Variants in TDRD1 observed in about 807,000 individuals in gnomAD.
TDRD1 encodes the protein tudor domain containing 1.
A neutral mutation model predicts 140.6 loss-of-function variants in TDRD1; 37 were observed. The observed-to-expected ratio is 0.26, with a 90% CI of 0.20 to 0.35. TDRD1 has a LOEUF of 0.35. Ranked by LOEUF, TDRD1 falls within the 10% of genes least tolerant of loss-of-function variation. The pLI is 1.00. For missense variants in TDRD1, 1,243 were observed against 1,393.0 expected (o/e 0.89, Z 1.71); for synonymous variants, 506 against 475.7 (o/e 1.06, Z -0.83).
chr10:114,213,899 A>G, intron 15 of TDRD1, 78 bp from the exon 16 acceptor site: 1 of 1,352,536 alleles, frequency 7.4e-7, no homozygotes, highest in Non-Finnish European at 1.0e-6. Context: ...AGTTCTTCAA[A>G]AGCGGGTTCC....
intron 15 of TDRD1, 23 bp from the exon 16 acceptor site, chr10:114,213,954 T>G (rs758468633): frequency 6.2e-7 from 1 of 1,613,524 alleles, no homozygotes; most frequent in South Asian, 1.1e-5. Flanking sequence ...CTATGTCCAT[T>G]TAATGTTTAA....
At chr10:114,190,965 C>G in exon 3 of TDRD1, 1 of 1,613,946 alleles carries the variant, frequency 6.2e-7, no homozygotes, top group Non-Finnish European at 8.5e-7. Flanking sequence ...CCCCAGGAAA[C>G]TCAGTGTCAC....
chr10:114,192,000 T>A (rs1346480606), intron 3 of TDRD1, among the ~76,000 whole-genome samples: 1 of 152,210 alleles, frequency 6.6e-6, no homozygotes, highest in African/African-American at 2.4e-5. Context: ...ATGTGCTTAT[T>A]TGCCATCTGT....
chr10:114,210,946 A>G (rs768162691), exon 13 of TDRD1: 3 of 1,614,064 alleles, frequency 1.9e-6, no homozygotes, highest in Non-Finnish European at 1.7e-6. Context: ...CATTGGTGAT[A>G]TATGTTGTGC....
At chr10:114,183,203 A>G (rs1323761928) in intron 1 of TDRD1, among the ~76,000 whole-genome samples, 1 of 152,198 alleles carries the variant, frequency 6.6e-6, no homozygotes, top group Non-Finnish European at 1.5e-5. Flanking sequence ...GTTACTAAGT[A>G]AGGACAGTGT....
At chr10:114,214,459 AGGGT>A (rs1295327051) in intron 16 of TDRD1, among the ~76,000 whole-genome samples, 2 of 152,200 alleles carry the variant, frequency 1.3e-5, no homozygotes, top group African/African-American at 4.8e-5. Flanking sequence ...CAAGAACTCA[AGGGT>A]GCGGTGAGGC....
Position 114,228,019 on chromosome 10 carries a change from G to A in TDRD1, c.3451-19G>A, listed in dbSNP as rs757184136. Reference sequence around the variant, plus strand: ...ACGTTTTTAGAAATTAAATCATATGGTTTCTTTTTCACCCACAGGTTGAAA... The same window carrying A: ...ACGTTTTTAGAAATTAAATCATATGATTTCTTTTTCACCCACAGGTTGAAA... On this transcript the variant is annotated intron_variant, in intron 24 of 25. Coordinates refer to ENST00000251864, the Ensembl canonical transcript of TDRD1. 6.2e-7 allele frequency: 1 copy of A among 1,609,840 alleles called. No homozygotes were observed. Among genetic ancestry groups the A allele is most frequent in the Non-Finnish European group, 8.5e-7 (1 of 1,178,230 alleles).
intron 25 of TDRD1, among the ~76,000 whole-genome samples, chr10:114,229,073 T>A (rs2036602600): frequency 7.2e-6 from 1 of 139,102 alleles, no homozygotes; most frequent in Non-Finnish European, 1.5e-5. Context: ...AGAGTGAGAG[T>A]TTGTCTCAAA....
chr10:114,222,591 T>C (rs1185423662), exon 21 of TDRD1: 5 of 1,600,246 alleles, frequency 3.1e-6, no homozygotes, highest in Non-Finnish European at 4.3e-6. Flanking sequence ...TTTTAGAAAA[T>C]CAGGAAAAGC....
chr10:114,200,847 C>CT (rs33964094), intron 4 of TDRD1, among the ~76,000 whole-genome samples: 4,038 of 80,404 alleles, frequency 0.05, 128 homozygotes, highest in Admixed American at 0.082. Context: ...TTGCTGCTGC[C>CT]TTTTTTTTTT....
exon 26 of TDRD1, chr10:114,232,156 C>T (rs11196665): frequency 2.0e-5 from 3 of 152,152 alleles, no homozygotes; most frequent in Admixed American, 6.5e-5. Flanking sequence ...GGCACAGAGT[C>T]TGACCTCTGG....
chr10:114,227,252 G>C, exon 23 of TDRD1: 1 of 1,614,138 alleles, frequency 6.2e-7, no homozygotes, highest in Non-Finnish European at 8.5e-7. Flanking sequence ...GTGACATTTG[G>C]TCTGGCAAAA....
At chr10:114,189,223 T>C (rs1448515888) in intron 2 of TDRD1, among the ~76,000 whole-genome samples, 2 of 152,256 alleles carry the variant, frequency 1.3e-5, no homozygotes, top group Non-Finnish European at 1.5e-5. Flanking sequence ...TGTTAAATCT[T>C]GATCATTGTG....
At chr10:114,231,362 C>A in intron 25 of TDRD1, 1 of 778,246 alleles carries the variant, frequency 1.3e-6, no homozygotes, top group South Asian at 1.6e-5. Context: ...ACTGACAGGT[C>A]TGGCTTAAAT....
intron 16 of TDRD1, among the ~76,000 whole-genome samples, 182 bp downstream of exon 16, chr10:114,214,296 T>TAAAAGAGAATAAAAG (rs2035672493): frequency 6.6e-6 from 1 of 152,238 alleles, no homozygotes; most frequent in Non-Finnish European, 1.5e-5. Context: ...AGCCATTATT[T>TAAAAGAGAATAAAAG]CTATTTTCAA....
At chr10:114,207,219 T>G (rs908176133) in intron 11 of TDRD1, among the ~76,000 whole-genome samples, 3 of 152,252 alleles carry the variant, frequency 2.0e-5, no homozygotes, top group Non-Finnish European at 4.4e-5. Context: ...CTCTTACTCA[T>G]TCATCCAGAG....
chr10:114,185,106 C>G (rs1024859076), intron 1 of TDRD1, among the ~76,000 whole-genome samples: 2 of 152,192 alleles, frequency 1.3e-5, no homozygotes, highest in African/African-American at 4.8e-5. Context: ...TGAATTTCTT[C>G]TCCTTCAGTC....
exon 5 of TDRD1, chr10:114,201,414 G>T (rs762839282): frequency 1.7e-5 from 27 of 1,613,296 alleles, no homozygotes; most frequent in Middle Eastern, 1.6e-4. Flanking sequence ...TTCTAGGATC[G>T]CTGAGGTGCT....
At chr10:114,231,495 C>G in exon 26 of TDRD1, 1 of 1,602,134 alleles carries the variant, frequency 6.2e-7, no homozygotes, top group South Asian at 1.1e-5. Context: ...GAAACAGCAT[C>G]TCTTGGAGGT....
Sources: allele counts gnomAD v4.1 joint callset (sites outside exome capture counted in the v4.1 genomes callset), GRCh38; gene constraint gnomAD v4.1.1; transcripts MANE v1.5; gene names NCBI Gene and HGNC (gene_info 2026-07-23, HGNC 2026-07-21).